The following GPC6 variants were observed in gnomAD, a reference collection of about 807,000 sequenced individuals.
GPC6 encodes the protein glypican-6.
In GPC6, 14 loss-of-function variants were observed where a neutral mutation model predicts 55.2. That is an observed-to-expected ratio of 0.25 (90% CI 0.17 to 0.40). The LOEUF (loss-of-function observed/expected upper bound fraction) is 0.40, where lower values mean the gene tolerates loss of function less well. Among genes scored for constraint, GPC6 ranks in the 10% least tolerant of loss-of-function variants. The probability of loss-of-function intolerance (pLI) is 1.00; values close to 1 mark genes in which losing one functional copy is unlikely to be tolerated. For missense variants in GPC6, 641 were observed against 708.5 expected (o/e 0.90, Z 1.08); for synonymous variants, 278 against 259.6 (o/e 1.07, Z -0.68).
chr13:93,733,626 T>C (rs562832557), intron 2 of GPC6, among the ~76,000 whole-genome samples: 12 of 151,822 alleles, frequency 7.9e-5, no homozygotes, highest in African/African-American at 2.9e-4. Context: ...CCTTGAAGAG[T>C]TGGCATGAAA....
chr13:94,048,631 A>C (rs1182155921), intron 4 of GPC6, among the ~76,000 whole-genome samples: 3 of 151,984 alleles, frequency 2.0e-5, no homozygotes, highest in Non-Finnish European at 4.4e-5. Context: ...ACGAAGAGAC[A>C]GAAATCCTAC....
intron 2 of GPC6, among the ~76,000 whole-genome samples, chr13:93,660,929 G>A (rs900073424): frequency 6.6e-6 from 1 of 152,170 alleles, no homozygotes; most frequent in South Asian, 2.1e-4. Flanking sequence ...GAAATGAAAA[G>A]CACCTTCTCT....
At position 94,239,338 on chromosome 13, in the gene GPC6, C is replaced by T. The variant is rs974110730; in HGVS notation, c.878-47011C>T. ...GACAACCCACAGTGTGTCATTGTCA[C>T]GAGCAAAGGAGGAGTCATTTCCTCT... On this transcript the variant is annotated intron_variant, in intron 4 of 8. Transcript: ENST00000377047. 4.6e-5 allele frequency among the ~76,000 whole-genome samples: 7 copies of T among 152,180 alleles called. No homozygotes were observed. The East Asian group carries it at 5.8e-4, about 13-fold the overall frequency.
intron 3 of GPC6, among the ~76,000 whole-genome samples, chr13:93,859,462 G>A (rs1443144853): frequency 6.6e-6 from 1 of 151,444 alleles, no homozygotes; most frequent in Admixed American, 6.6e-5. Flanking sequence ...ACCTTCAATT[G>A]GCTTAAAGTA....
chr13:94,219,124 A>C (rs1890308506), intron 4 of GPC6, among the ~76,000 whole-genome samples: 1 of 152,176 alleles, frequency 6.6e-6, no homozygotes, highest in South Asian at 2.1e-4. Context: ...GTGATAGAGT[A>C]ACCACAACGG....
At chr13:93,477,988 T>C (rs1038897249) in intron 1 of GPC6, among the ~76,000 whole-genome samples, 1 of 94,192 alleles carries the variant, frequency 1.1e-5, no homozygotes, top group African/African-American at 3.9e-5. Flanking sequence ...TCTCTTTGCA[T>C]TTTTTTTGTC....
chr13:93,838,326 C>T (rs1002528345), intron 3 of GPC6, among the ~76,000 whole-genome samples: 12 of 152,058 alleles, frequency 7.9e-5, no homozygotes, highest in East Asian at 5.8e-4. Context: ...CCTTGGGAAA[C>T]GGGAGCAGAC....
intron 3 of GPC6, among the ~76,000 whole-genome samples, chr13:93,834,216 AAAG>A (rs1289269844): frequency 1.3e-5 from 2 of 152,200 alleles, no homozygotes; most frequent in South Asian, 2.1e-4. Context: ...AATGACATAG[AAAG>A]TAGAAACGTC....
intron 6 of GPC6, among the ~76,000 whole-genome samples, chr13:94,368,022 G>T (rs564049966): frequency 6.6e-6 from 1 of 151,574 alleles, no homozygotes; most frequent in Non-Finnish European, 1.5e-5. Context: ...GGTGACACAC[G>T]TCTGTAGTCC....
chr13:94,075,146 C>T (rs1246340191), intron 4 of GPC6, among the ~76,000 whole-genome samples: 1 of 152,112 alleles, frequency 6.6e-6, no homozygotes, highest in East Asian at 1.9e-4. Context: ...TGTGTGAAGT[C>T]ATAACCAATT....
At chr13:93,751,158 A>AC (rs1884568325) in intron 2 of GPC6, among the ~76,000 whole-genome samples, 2 of 150,462 alleles carry the variant, frequency 1.3e-5, no homozygotes, top group South Asian at 4.2e-4. Context: ...CAAAAAAAGA[A>AC]AAACAAACAA....
intron 4 of GPC6, among the ~76,000 whole-genome samples, chr13:94,236,112 A>C (rs1890870545): frequency 6.6e-6 from 1 of 152,180 alleles, no homozygotes; most frequent in African/African-American, 2.4e-5. Context: ...AATAACTGCT[A>C]TCTGCAGTAA....
intron 1 of GPC6, among the ~76,000 whole-genome samples, chr13:93,544,767 T>A (rs1874686416): frequency 6.6e-6 from 1 of 152,166 alleles, no homozygotes; most frequent in African/African-American, 2.4e-5. Context: ...AGACCTACCA[T>A]TAAAAACACA....
At chr13:94,299,045 TTTCA>T (rs1875500238) in intron 5 of GPC6, among the ~76,000 whole-genome samples, 1 of 152,216 alleles carries the variant, frequency 6.6e-6, no homozygotes, top group Non-Finnish European at 1.5e-5. Context: ...CTTCATAATC[TTTCA>T]TTCTCAATTT....
chr13:94,252,868 G>A (rs1450048398), intron 4 of GPC6, among the ~76,000 whole-genome samples: 7 of 151,426 alleles, frequency 4.6e-5, no homozygotes, highest in Non-Finnish European at 1.0e-4. Context: ...AGGCTCTCTA[G>A]AAACCCCAAG....
At chr13:93,648,906 T>G (rs1880290187) in intron 2 of GPC6, among the ~76,000 whole-genome samples, 1 of 152,192 alleles carries the variant, frequency 6.6e-6, no homozygotes. Context: ...AAAGGTGTAG[T>G]ACATTAAGGC....
rs549059963 is a variant in GPC6, at chr13:94,067,502, C to G, written c.877+39608C>G. Among the ~76,000 whole-genome samples, 359 of 147,978 alleles carry G rather than the reference C, an allele frequency of 2.4e-3. 1 individual carries two copies. The highest frequency in any genetic ancestry group is 6.1e-3 in the Admixed American group (89 of 14,618). The stretch of plus-strand genomic sequence containing the variant: ...TGTCTCTCTCTCTCTCTCTCTCTCT[C>G]TGTGTCTATGTATAGAGATGCAATA... On this transcript the variant is annotated intron_variant, in intron 4 of 8. Transcript: ENST00000377047.
At chr13:94,386,629 T>TA (rs1880425065) in intron 7 of GPC6, among the ~76,000 whole-genome samples, 1 of 152,206 alleles carries the variant, frequency 6.6e-6, no homozygotes, top group South Asian at 2.1e-4. Flanking sequence ...ATAATTTTTT[T>TA]AAAAAATCCA....
intron 3 of GPC6, among the ~76,000 whole-genome samples, chr13:93,901,399 G>A (rs916973737): frequency 6.6e-6 from 1 of 151,916 alleles, no homozygotes; most frequent in African/African-American, 2.4e-5. Context: ...TGTGTGAACC[G>A]AAGTGACTTT....
Sources: gnomAD v4.1 joint callset for allele counts (sites outside exome capture counted in the v4.1 genomes callset) on GRCh38, gnomAD v4.1.1 for gene constraint, MANE v1.5 for transcripts, NCBI Gene and HGNC (gene_info 2026-07-23, HGNC 2026-07-21) for gene names.